The following MUC5B variants were observed in gnomAD, a reference collection of about 807,000 sequenced individuals.
MUC5B encodes the protein mucin-5B.
A neutral mutation model predicts 376.9 loss-of-function variants in MUC5B; 116 were observed. The ratio of observed to expected loss-of-function variants is 0.31; its 90% CI spans 0.26 to 0.36. The LOEUF (loss-of-function observed/expected upper bound fraction) is 0.36. MUC5B is among the 10% of genes least tolerant of loss of function. The pLI is 1.00. For synonymous variants in MUC5B, 3,517 were observed against 3,390.9 expected, an observed-to-expected ratio of 1.04 and a Z score of -1.29; for missense variants, 7,165 against 7,769.9, an observed-to-expected ratio of 0.92 and a Z score of 2.93.
At position 1,250,931 on chromosome 11, in the gene MUC5B, C is replaced by T. The variant is rs1317890533; in HGVS notation, c.14051C>T (p.Ala4684Val). ...ACTCCCCCATCACTGACCACCACGGCCACTACGATCACGGCCACCGGCTCC... is the reference window on the plus strand; with the variant it reads ...ACTCCCCCATCACTGACCACCACGGTCACTACGATCACGGCCACCGGCTCC... ...SGTPPSLTTT[A>V]TTITATGSTT... The change falls in exon 31 of 49, where the codon GCC (alanine) becomes GTC (valine). Residue 4684 changes from alanine to valine, a missense_variant. Physicochemically the swap from Ala to Val is moderately conservative, Grantham distance 64. This residue lies in a region of MUC5B where 730 missense variants were observed against 592.7 expected (regional missense o/e 1.23). Transcript: ENST00000529681. 2 of 1,602,366 alleles carry T rather than the reference C, an allele frequency of 1.2e-6. No homozygotes were observed. Among genetic ancestry groups the T allele is most frequent in the Non-Finnish European group, 1.7e-6 (2 of 1,174,214 alleles).
At position 1,246,700 on chromosome 11, in the gene MUC5B, G is replaced by C. The variant is rs755823256; in HGVS notation, c.9820G>C (p.Val3274Leu). The C allele has an allele frequency of 4.4e-6, 7 of 1,608,286 alleles. No homozygotes were observed. Among genetic ancestry groups the C allele is most frequent in the Non-Finnish European group, 5.9e-6 (7 of 1,176,814 alleles). Residue 3274 changes from valine (V) to leucine (L), a missense_variant, in exon 31 of 49, where the codon GTC (valine) becomes CTC (leucine). Coordinates refer to ENST00000529681, the MANE Select transcript of MUC5B (RefSeq NM_002458.3). ...TATPSSTPET[V>L]HTSTVLTTTT... ...CACACCCTCCTCTACTCCAGAGACTGTCCACACCTCCACAGTGCTTACCAC... is the reference window on the plus strand; with the variant it reads ...CACACCCTCCTCTACTCCAGAGACTCTCCACACCTCCACAGTGCTTACCAC...
intron 31 of MUC5B, 53 bp downstream of exon 31, chr11:1,251,796 C>G: frequency 1.6e-6 from 2 of 1,257,228 alleles, no homozygotes; most frequent in Non-Finnish European, 2.2e-6. Flanking sequence ...GCTATGCCAA[C>G]CTGGGTCTGC....
In MUC5B at chr11:1,241,177, G is replaced by A; in HGVS notation, c.4297G>A (p.Gly1433Ser). Residue 1433 changes from glycine (G) to serine (S), a missense_variant, in exon 31 of 49, where the codon GGC becomes AGC. Coordinates refer to ENST00000529681, the MANE Select transcript of MUC5B (RefSeq NM_002458.3). The part of the protein sequence containing the change: ...RVLCCEYVPC[G>S]PSPAPGTSPQ... ...TCTCTGCTGCGAATACGTGCCCTGT[G>A]GCCCCTCCCCGGCCCCAGGCACCAG... 6.3e-7 allele frequency: 1 copy of A among 1,599,006 alleles called. No individual in the cohort carries two copies. Among genetic ancestry groups the A allele is most frequent in the Non-Finnish European group, 8.5e-7 (1 of 1,173,212 alleles).
rs575900544 is a variant in MUC5B at position 1,233,713 on chromosome 11, C to T, written c.2322-80C>T. ...GGCCAGGCTGGGGAGGCCCAGCGTT[C>T]GGCGGGGGCTCGGAAGCCCGGGGGT... is the stretch of plus-strand genomic sequence containing the variant. On this transcript the variant is annotated intron_variant, in intron 18 of 48. Transcript: ENST00000529681. 5.8e-4 allele frequency: 834 copies of T among 1,425,832 alleles called. 6 individuals carry two copies. The African/African-American group carries it at 8.1e-3, about 14-fold the overall frequency. 88.3% of individuals were successfully genotyped at this position (1,425,832 alleles called of 1,614,324 possible).
At chr11:1,233,700 G>A (rs1862087351) in intron 18 of MUC5B, 93 bp from the exon 19 acceptor site, 3 of 1,265,882 alleles carry the variant, frequency 2.4e-6, no homozygotes, top group South Asian at 2.5e-5. Context: ...CCAGGCTGGG[G>A]AGGCCCAGCG....
intron 30 of MUC5B, 130 bp downstream of exon 30, chr11:1,240,505 G>A (rs1862256567): frequency 2.3e-6 from 2 of 871,390 alleles, no homozygotes; most frequent in Non-Finnish European, 3.5e-6. Flanking sequence ...GCTCTGTCTA[G>A]GGGTGCACGG....
chr11:1,234,476 C>T lies in MUC5B; in HGVS notation c.2479-53C>T. On this transcript the variant is annotated intron_variant, in intron 20 of 48. Coordinates refer to ENST00000529681, the MANE Select transcript of MUC5B (RefSeq NM_002458.3). The surrounding 1 kb of genome is among the most constrained non-coding windows in gnomAD (Gnocchi z 6.3). Reference sequence around the variant, plus strand: ...TGCGCCTGTCCCAGAGGGTGAGTGACATCTGCCCACCCTGGTGTCCAGCCC... The same window carrying T: ...TGCGCCTGTCCCAGAGGGTGAGTGATATCTGCCCACCCTGGTGTCCAGCCC... 1 of 1,547,912 alleles carries T rather than the reference C, an allele frequency of 6.5e-7. No individual in the cohort carries two copies. The highest frequency in any genetic ancestry group is 1.4e-5 in the African/African-American group (1 of 73,318).
intron 19 of MUC5B, 105 bp downstream of exon 19, chr11:1,233,953 G>T (rs909265565): frequency 8.4e-7 from 1 of 1,193,358 alleles, no homozygotes; most frequent in Non-Finnish European, 1.2e-6. Flanking sequence ...GAACCCTGCC[G>T]GGCCAGGTCA....
chr11:1,230,551 A>G lies in MUC5B; in HGVS notation c.1421A>G (p.Asn474Ser), dbSNP rs1862003725. 1 of 1,611,880 alleles carries G rather than the reference A, an allele frequency of 6.2e-7. No homozygotes were observed. The highest frequency in any genetic ancestry group is 1.1e-5 in the South Asian group (1 of 90,848). The change falls in exon 12 of 49, where the codon AAC (asparagine) becomes AGC (serine). Residue 474 changes from asparagine (N) to serine (S), a missense_variant. Asn to Ser is a conservative substitution (Grantham distance 46). This residue lies in a region of MUC5B where 640 missense variants were observed against 733.0 expected (regional missense o/e 0.87). Coordinates refer to ENST00000529681, the MANE Select transcript of MUC5B (RefSeq NM_002458.3). Reference protein sequence around the residue: ...AELRKCGLTDNENCLKAVTLS... With the variant: ...AELRKCGLTDSENCLKAVTLS... ...CTGCGGAAGTGCGGCCTGACGGACA[A>G]CGAGAACTGCCTGAAAGCGGTGACG...
chr11:1,232,570 C>T (rs571503645), intron 16 of MUC5B, 26 bp downstream of exon 16: 20 of 1,605,624 alleles, frequency 1.2e-5, no homozygotes, highest in Middle Eastern at 1.7e-4. Flanking sequence ...CAGACCCCCA[C>T]GCCTGGGCAG....
Position 1,253,163 on chromosome 11 carries a change from G to A in MUC5B, c.15217+183G>A. On this transcript the variant is annotated intron_variant, in intron 33 of 48. Transcript: ENST00000529681. The surrounding 1 kb of genome is among the most constrained non-coding windows in gnomAD (Gnocchi z 4.3). ...GGGCATGGTGGGGTGTGGTGGTGGT[G>A]TTTGGGAGATCGCTGGCATCCCTTC... 1 of 734,248 alleles carries A rather than the reference G, an allele frequency of 1.4e-6. No individual in the cohort carries two copies. The allele number at this position is 734,248 out of a possible 1,614,324, so 45.5% of individuals were successfully genotyped here.
intron 1 of MUC5B, among the ~76,000 whole-genome samples, chr11:1,223,747 C>T (rs1011070521): frequency 2.6e-5 from 4 of 152,260 alleles, no homozygotes; most frequent in Admixed American, 6.5e-5. Flanking sequence ...CATCTCATGC[C>T]GCACGGGCTG....
chr11:1,247,560 G>C lies in MUC5B; in HGVS notation c.10680G>C (p.Ser3560=). ...TSTLLPSSPT[S]APITTVVTTG... ...CCCTGCTGCCCAGCAGCCCCACATC[G>C]GCCCCCATAACCACGGTGGTGACCA... Residue 3560 remains serine (S), a synonymous_variant, in exon 31 of 49, where the codon TCG becomes TCC. Transcript: ENST00000529681. 6.2e-7 allele frequency: 1 copy of C among 1,610,916 alleles called. No individual in the cohort carries two copies. The highest frequency in any genetic ancestry group is 8.5e-7 in the Non-Finnish European group (1 of 1,179,406).
At chr11:1,259,584 G>C in intron 44 of MUC5B, 172 bp from the exon 45 acceptor site, 1 of 638,562 alleles carries the variant, frequency 1.6e-6, no homozygotes, top group South Asian at 1.9e-5. Flanking sequence ...CTGGAAACTG[G>C]GGTGAGGCTG....
chr11:1,253,306 C>G lies in MUC5B; in HGVS notation c.15217+326C>G, dbSNP rs1311995596. Among the ~76,000 whole-genome samples the G allele has an allele frequency of 6.6e-6, 1 of 152,140 alleles. No homozygotes were observed. The highest frequency in any genetic ancestry group is 1.9e-4 in the East Asian group (1 of 5,190). ...ATGCTGACACAGCCCAAGGGAGAGG[C>G]AGCAGAGGCTGGTTTGCTGAGCTTC... On this transcript the variant is annotated intron_variant, in intron 33 of 48. Coordinates refer to ENST00000529681, the MANE Select transcript of MUC5B (RefSeq NM_002458.3). This position sits in a 1 kb window ranked among gnomAD's most constrained non-coding sequence, Gnocchi z 4.3.
At position 1,236,989 on chromosome 11, in the gene MUC5B, G is replaced by T. The variant is rs761229775; in HGVS notation, c.3122G>T (p.Ser1041Ile). 6.4e-7 allele frequency: 1 copy of T among 1,568,592 alleles called. No homozygotes were observed. Residue 1041 changes from serine (S) to isoleucine (I), a missense_variant, in exon 25 of 49, where the codon AGC (serine) becomes ATC (isoleucine). Physicochemically the swap from Ser to Ile is moderately radical, Grantham distance 142. Coordinates refer to ENST00000529681, the MANE Select transcript of MUC5B (RefSeq NM_002458.3). ...DNAINDFATR[S>I]RSVVGDALEF... Reference sequence around the variant, plus strand: ...GCCATCAATGACTTTGCCACGCGTAGCCGGTCCGTGGTGGGGGACGCACTG... The same window carrying T: ...GCCATCAATGACTTTGCCACGCGTATCCGGTCCGTGGTGGGGGACGCACTG...
rs1291326286 is a variant in MUC5B at position 1,254,774 on chromosome 11, G to A, written c.15558G>A (p.Met5186Ile). Reference sequence around the variant, plus strand: ...TGTCTGTGCTGGGGACCACCACCATGCGTGTGGACATTCCTGCCCTGGGCG... The same window carrying A: ...TGTCTGTGCTGGGGACCACCACCATACGTGTGGACATTCCTGCCCTGGGCG... ...VLVSVLGTTT[M>I]RVDIPALGVS... is the part of the protein sequence containing the mutation. The change falls in exon 35 of 49, where the codon ATG becomes ATA. Residue 5186 changes from methionine to isoleucine, a missense_variant. Around this residue, in one of 31 missense-constraint regions of MUC5B, gnomAD observed 842 missense variants for 1,016.9 expected, o/e 0.83. Transcript: ENST00000529681. 2 of 1,612,896 alleles carry A rather than the reference G, an allele frequency of 1.2e-6. No homozygotes were observed. Among genetic ancestry groups the A allele is most frequent in the African/African-American group, 1.3e-5 (1 of 75,058 alleles).
intron 25 of MUC5B, among the ~76,000 whole-genome samples, chr11:1,238,128 G>A (rs555363579): frequency 3.9e-5 from 6 of 152,344 alleles, no homozygotes; most frequent in African/African-American, 1.2e-4. Context: ...GATGGGGCCT[G>A]GGAGGGGTGT....
Position 1,245,454 on chromosome 11 carries a change from C to T in MUC5B, c.8574C>T (p.Pro2858=). 7.2e-7 allele frequency: 1 copy of T among 1,387,756 alleles called. No homozygotes were observed. Among genetic ancestry groups the T allele is most frequent in the East Asian group, 2.4e-5 (1 of 41,120 alleles). 86.0% of individuals were successfully genotyped at this position (1,387,756 alleles called of 1,614,324 possible). The change falls in exon 31 of 49, where the codon CCC becomes CCT. Residue 2858 remains proline, a synonymous_variant. Coordinates refer to ENST00000529681, the MANE Select transcript of MUC5B (RefSeq NM_002458.3). Reference sequence around the variant, plus strand: ...CCTCGACCCTGCTGCCCAGCAGCCCCACATCGGCCCCAATAACCACGGTGG... The same window carrying T: ...CCTCGACCCTGCTGCCCAGCAGCCCTACATCGGCCCCAATAACCACGGTGG... ...TRTSTLLPSS[P]TSAPITTVVT...
Sources: allele counts gnomAD v4.1 joint callset (sites outside exome capture counted in the v4.1 genomes callset), GRCh38; gene constraint gnomAD v4.1.1; regional missense constraint gnomAD v4.1.1; non-coding constraint Gnocchi (gnomAD v3.1); transcripts MANE v1.5; gene names NCBI Gene and HGNC (gene_info 2026-07-23, HGNC 2026-07-21).